AFAP1: variants seen among roughly 807,000 people sequenced by gnomAD.
AFAP1 encodes the protein actin filament-associated protein 1.
AFAP1 carries 75 observed loss-of-function variants against 93.9 expected under a neutral mutation model. That is an observed-to-expected ratio of 0.80 (90% CI 0.66 to 0.97). The LOEUF is 0.97. Among genes scored for constraint, AFAP1 ranks in the 50% least tolerant of loss-of-function variants. The probability of loss-of-function intolerance (pLI) is 0.00; values close to 1 mark genes in which losing one functional copy is unlikely to be tolerated. For missense variants in AFAP1, 1,201 were observed against 1,050.8 expected, an observed-to-expected ratio of 1.14 and a Z score of -1.98; for synonymous variants, 517 against 430.7, an observed-to-expected ratio of 1.20 and a Z score of -2.48.
Position 7,800,617 on chromosome 4 carries a change from T to A in AFAP1, c.1091A>T (p.Glu364Val). Residue 364 changes from glutamate (E) to valine (V), a missense_variant, in exon 10 of 18, where the codon GAG becomes GTG. Coordinates refer to ENST00000420658, the MANE Select transcript of AFAP1 (RefSeq NM_001134647.2). ...LNVLSNSRWR[E>V]RWCRVKDNKL... The stretch of plus-strand genomic sequence containing the variant: ...GTTATCTTTCACTCGGCACCAGCGC[T>A]CTCGCCAGCGGCTGTTGGAGAGCAC... 6.2e-7 allele frequency: 1 copy of A among 1,614,140 alleles called. No individual in the cohort carries two copies. Among genetic ancestry groups the A allele is most frequent in the Non-Finnish European group, 8.5e-7 (1 of 1,180,018 alleles).
chr4:7,818,502 G>A (rs1720683915), intron 7 of AFAP1, among the ~76,000 whole-genome samples: 1 of 152,184 alleles, frequency 6.6e-6, no homozygotes. Flanking sequence ...CAGGAAGCCA[G>A]GGGTCTCCAA....
chr4:7,856,296 G>A (rs1213001471), intron 3 of AFAP1, among the ~76,000 whole-genome samples: 1 of 151,746 alleles, frequency 6.6e-6, no homozygotes, highest in Admixed American at 6.6e-5. Context: ...AGGCTGGAGT[G>A]CAGTGGCGCA....
At chr4:7,844,492 C>T (rs1443145142) in intron 4 of AFAP1, among the ~76,000 whole-genome samples, 1 of 152,166 alleles carries the variant, frequency 6.6e-6, no homozygotes, top group African/African-American at 2.4e-5. Flanking sequence ...AGGTCAAATG[C>T]CCTTCCTCTG....
At chr4:7,935,751 G>A in intron 1 of AFAP1, among the ~76,000 whole-genome samples, 1 of 152,290 alleles carries the variant, frequency 6.6e-6, no homozygotes, top group African/African-American at 2.4e-5. Flanking sequence ...TTCAGTGATA[G>A]AGCGAATTAA....
At chr4:7,871,922 A>G (rs1410846823) in intron 2 of AFAP1, 30 bp downstream of exon 2, 3 of 1,612,000 alleles carry the variant, frequency 1.9e-6, no homozygotes, top group Non-Finnish European at 2.5e-6. Context: ...CACTGTAAGA[A>G]GGAAAAGCAG....
Position 7,763,449 on chromosome 4 carries a change from G to C in AFAP1, c.*316C>G, listed in dbSNP as rs74586773. The stretch of plus-strand genomic sequence containing the variant: ...CTCAGTCCAGGGCTGGGTTGGAATC[G>C]GTGAAAGCAATGGCCTATCTGGTTA... On this transcript the variant is annotated 3_prime_UTR_variant, in exon 18 of 18. Transcript: ENST00000420658. 1 of 332,284 alleles carries C rather than the reference G, an allele frequency of 3.0e-6. No homozygotes were observed. The highest frequency in any genetic ancestry group is 4.8e-5 in the South Asian group (1 of 20,704). 20.6% of individuals were successfully genotyped at this position (332,284 alleles called of 1,614,324 possible). A position where few individuals can be genotyped will look rare whatever the true frequency, so the allele number is the denominator to read the frequency against.
At chr4:7,776,725 G>C (rs952248281) in intron 14 of AFAP1, 3 of 152,226 alleles carry the variant, frequency 2.0e-5, no homozygotes, top group Non-Finnish European at 4.4e-5. Flanking sequence ...TCGGCAGCCT[G>C]AGGAGAGGCG....
intron 1 of AFAP1, among the ~76,000 whole-genome samples, chr4:7,910,585 A>G (rs1193848564): frequency 6.6e-6 from 1 of 152,226 alleles, no homozygotes; most frequent in Non-Finnish European, 1.5e-5. Context: ...ACACTCACGG[A>G]TTCTGCTCAC....
chr4:7,800,707 G>A, intron 9 of AFAP1, 54 bp from the exon 10 acceptor site: 4 of 1,587,602 alleles, frequency 2.5e-6, no homozygotes, highest in East Asian at 2.2e-5. Context: ...CAGGCGAGGT[G>A]AAGACGTCTA....
At chr4:7,774,455 C>T (rs548474799) in intron 15 of AFAP1, 8 of 404,638 alleles carry the variant, frequency 2.0e-5, no homozygotes, top group Non-Finnish European at 3.5e-5. Flanking sequence ...CTGTTGTCAG[C>T]GCCAGAAGCC....
At chr4:7,879,475 C>A (rs546153330) in intron 1 of AFAP1, among the ~76,000 whole-genome samples, 1 of 152,138 alleles carries the variant, frequency 6.6e-6, no homozygotes, top group Admixed American at 6.5e-5. Flanking sequence ...CAAACACAGA[C>A]TGGCATCAAG....
intron 6 of AFAP1, among the ~76,000 whole-genome samples, chr4:7,823,017 CT>C (rs982185371): frequency 2.6e-5 from 4 of 151,352 alleles, no homozygotes; most frequent in Non-Finnish European, 4.4e-5. Context: ...AGGAGCTGTG[CT>C]TTTTTTTATA....
chr4:7,767,971 G>A (rs1205615721), intron 17 of AFAP1, among the ~76,000 whole-genome samples: 5 of 152,202 alleles, frequency 3.3e-5, no homozygotes, highest in African/African-American at 9.7e-5. Flanking sequence ...AGCTACTTGG[G>A]AGGCTGAGGT....
intron 1 of AFAP1, among the ~76,000 whole-genome samples, chr4:7,884,060 T>A (rs73073928): frequency 1.3e-5 from 2 of 152,054 alleles, no homozygotes; most frequent in Non-Finnish European, 2.9e-5. Context: ...GTCCTTGCAA[T>A]AGTGAGTGAG....
At chr4:7,860,697 C>T (rs1390022264) in intron 3 of AFAP1, among the ~76,000 whole-genome samples, 5 of 152,180 alleles carry the variant, frequency 3.3e-5, no homozygotes, top group South Asian at 2.1e-4. Context: ...CACAACTGCA[C>T]GGCATCCGTT....
At chr4:7,859,743 T>C (rs1715458675) in intron 3 of AFAP1, among the ~76,000 whole-genome samples, 1 of 152,166 alleles carries the variant, frequency 6.6e-6, no homozygotes, top group Non-Finnish European at 1.5e-5. Context: ...ACCACAGTAA[T>C]ATAACCTAGG....
chr4:7,864,388 A>G (rs1716173005), intron 3 of AFAP1, among the ~76,000 whole-genome samples: 1 of 152,200 alleles, frequency 6.6e-6, no homozygotes, highest in Admixed American at 6.5e-5. Flanking sequence ...TTGAAAGTCA[A>G]TTCATCAATA....
intron 11 of AFAP1, among the ~76,000 whole-genome samples, chr4:7,791,148 C>T (rs970564440): frequency 1.3e-5 from 2 of 152,186 alleles, no homozygotes; most frequent in Non-Finnish European, 2.9e-5. Context: ...CACAACACAA[C>T]AGCACAGGCA....
intron 6 of AFAP1, among the ~76,000 whole-genome samples, chr4:7,830,452 A>C (rs1236515539): frequency 6.6e-6 from 1 of 152,216 alleles, no homozygotes; most frequent in Non-Finnish European, 1.5e-5. Flanking sequence ...GTGAGCACAA[A>C]AAGTGGCCAT....
Sources: allele counts gnomAD v4.1 joint callset (sites outside exome capture counted in the v4.1 genomes callset), GRCh38; gene constraint gnomAD v4.1.1; transcripts MANE v1.5; gene names NCBI Gene and HGNC (gene_info 2026-07-23, HGNC 2026-07-21).